CCSER1: variants seen among roughly 807,000 people sequenced by gnomAD.
CCSER1 encodes the protein coiled-coil serine rich protein 1, also known as serine-rich coiled-coil domain-containing protein 1.
In CCSER1, 41 loss-of-function variants were observed where a neutral mutation model predicts 82.0. That is an observed-to-expected ratio of 0.50 (90% CI 0.39 to 0.65). The LOEUF is 0.65. Among genes scored for constraint, CCSER1 ranks in the 30% least tolerant of loss-of-function variants. The pLI is 0.00. For missense variants in CCSER1, 1,119 were observed against 1,064.2 expected (o/e 1.05, Z -0.72); for synonymous variants, 414 against 383.9 (o/e 1.08, Z -0.92).
At chr4:91,070,280 T>C (rs560997797) in intron 9 of CCSER1, among the ~76,000 whole-genome samples, 1 of 152,310 alleles carries the variant, frequency 6.6e-6, no homozygotes, top group South Asian at 2.1e-4. Flanking sequence ...TCCCAGGACC[T>C]TCTTTAATTT....
intron 9 of CCSER1, among the ~76,000 whole-genome samples, chr4:90,932,988 GAAAGAAAGAAAGAA>G (rs1561385253): frequency 1.8e-4 from 6 of 32,790 alleles, no homozygotes; most frequent in Admixed American, 3.5e-4. Flanking sequence ...GAAAGAGAAA[GAAAGAAAGAAAGAA>G]AGAAAGAAAG....
intron 10 of CCSER1, among the ~76,000 whole-genome samples, chr4:91,325,855 T>G (rs1053174285): frequency 3.4e-4 from 52 of 152,344 alleles, no homozygotes; most frequent in African/African-American, 1.1e-3. Flanking sequence ...ACTGGTATTT[T>G]CTCAGAACAA....
chr4:91,021,321 C>A (rs1015655186), intron 9 of CCSER1, among the ~76,000 whole-genome samples: 3 of 151,938 alleles, frequency 2.0e-5, no homozygotes, highest in East Asian at 3.9e-4. Flanking sequence ...AAAACAAGAA[C>A]TATTGCTGCA....
intron 10 of CCSER1, among the ~76,000 whole-genome samples, chr4:91,546,972 C>T (rs373519529): frequency 7.6e-4 from 102 of 133,344 alleles, no homozygotes; most frequent in Middle Eastern, 4.3e-3. Flanking sequence ...CTTGAGTTTT[C>T]TTTTTTTTTT....
chr4:91,401,989 T>C (rs1056961899), intron 10 of CCSER1, among the ~76,000 whole-genome samples: 8 of 152,230 alleles, frequency 5.3e-5, no homozygotes, highest in Admixed American at 2.6e-4. Flanking sequence ...TCTTCCACAA[T>C]GGTTGAACTA....
At chr4:90,573,445 T>G (rs1780347537) in intron 5 of CCSER1, among the ~76,000 whole-genome samples, 1 of 152,214 alleles carries the variant, frequency 6.6e-6, no homozygotes, top group African/African-American at 2.4e-5. Context: ...TGTGCTTGCT[T>G]CCCTTCATTT....
At chr4:90,576,109 ATAGT>A (rs1780736891) in intron 5 of CCSER1, among the ~76,000 whole-genome samples, 2 of 150,878 alleles carry the variant, frequency 1.3e-5, no homozygotes, top group South Asian at 4.2e-4. Flanking sequence ...TACTAGATTG[ATAGT>A]TTGTTTTGTT....
At chr4:91,126,137 A>T (rs1272259034) in intron 10 of CCSER1, among the ~76,000 whole-genome samples, 1 of 151,748 alleles carries the variant, frequency 6.6e-6, no homozygotes, top group Non-Finnish European at 1.5e-5. Context: ...TAAGGCTGTC[A>T]TTTTCTAATA....
Position 90,345,487 on chromosome 4 carries a change from G to T in CCSER1, c.1509+32440G>T, listed in dbSNP as rs556140607. ...TAAAACAAATTTTAAATTCTACTTG[G>T]TTATTCTCAGGACCAAAAGGTGATA... On this transcript the variant is annotated intron_variant, in intron 3 of 10. Transcript: ENST00000509176. Among the ~76,000 whole-genome samples the T allele has an allele frequency of 3.9e-5, 6 of 152,096 alleles. No individual in the cohort carries two copies. The East Asian group carries it at 1.2e-3, about 29-fold the overall frequency.
intron 7 of CCSER1, among the ~76,000 whole-genome samples, chr4:90,800,765 G>C (rs192939089): frequency 1.3e-5 from 2 of 152,110 alleles, no homozygotes; most frequent in African/African-American, 4.8e-5. Context: ...TTTATGTTGT[G>C]TAGTAACTCA....
At chr4:90,222,841 G>A (rs560356116) in intron 1 of CCSER1, among the ~76,000 whole-genome samples, 1 of 152,182 alleles carries the variant, frequency 6.6e-6, no homozygotes, top group Admixed American at 6.5e-5. Context: ...GAGTTTCTGT[G>A]AACCCTTTGC....
At chr4:91,290,757 G>T (rs1743680830) in intron 10 of CCSER1, among the ~76,000 whole-genome samples, 1 of 151,744 alleles carries the variant, frequency 6.6e-6, no homozygotes, top group African/African-American at 2.4e-5. Flanking sequence ...ATTTTACATT[G>T]TCATATGTGC....
At chr4:90,192,117 G>T (rs531787302) in intron 1 of CCSER1, among the ~76,000 whole-genome samples, 1 of 152,150 alleles carries the variant, frequency 6.6e-6, no homozygotes, top group South Asian at 2.1e-4. Context: ...TGGACTTATG[G>T]TTCCACGTGG....
intron 10 of CCSER1, among the ~76,000 whole-genome samples, chr4:91,189,902 A>T (rs1734861856): frequency 6.6e-6 from 1 of 152,224 alleles, no homozygotes. Flanking sequence ...GATTATTAAA[A>T]CAGTGAGTAT....
intron 6 of CCSER1, among the ~76,000 whole-genome samples, chr4:90,684,907 C>T (rs370134695): frequency 1.6e-3 from 236 of 152,224 alleles, no homozygotes; most frequent in African/African-American, 5.1e-3. Flanking sequence ...CCTTGCCTTC[C>T]GCCATGATTG....
At chr4:90,697,486 T>C (rs1334089879) in intron 6 of CCSER1, among the ~76,000 whole-genome samples, 2 of 152,176 alleles carry the variant, frequency 1.3e-5, no homozygotes, top group Non-Finnish European at 2.9e-5. Context: ...AACCATTCTT[T>C]GTCCAGATCC....
At chr4:90,728,672 T>C (rs1252561824) in intron 7 of CCSER1, among the ~76,000 whole-genome samples, 1 of 152,114 alleles carries the variant, frequency 6.6e-6, no homozygotes, top group Non-Finnish European at 1.5e-5. Context: ...CCCTCCCTAT[T>C]ATTTAAAAAC....
intron 10 of CCSER1, among the ~76,000 whole-genome samples, chr4:91,244,936 T>C (rs921692966): frequency 6.6e-6 from 1 of 151,930 alleles, no homozygotes; most frequent in East Asian, 1.9e-4. Flanking sequence ...AACAAGGAGA[T>C]TGAAATAATT....
Position 91,345,796 on chromosome 4 carries a change from C to A in CCSER1, c.2218-252776C>A, listed in dbSNP as rs563241003. 2.0e-5 allele frequency among the ~76,000 whole-genome samples: 3 copies of A among 152,216 alleles called. No individual in the cohort carries two copies. The East Asian group carries it at 5.8e-4, about 29-fold the overall frequency. On this transcript the variant is annotated intron_variant, in intron 10 of 10. Transcript: ENST00000509176. ...ACTCTCATCAGAGTATTATGTAGGA[C>A]AGTTTCACTTCCCTAAATTGCCCTG...
Sources: allele counts gnomAD v4.1 joint callset (sites outside exome capture counted in the v4.1 genomes callset), GRCh38; gene constraint gnomAD v4.1.1; transcripts MANE v1.5; gene names NCBI Gene and HGNC (gene_info 2026-07-23, HGNC 2026-07-21).